TMEFF2: variants seen among roughly 807,000 people sequenced by gnomAD.
The protein encoded by TMEFF2 is tomoregulin-2.
A neutral mutation model predicts 53.8 loss-of-function variants in TMEFF2; 28 were observed. That is an observed-to-expected ratio of 0.52 (90% CI 0.39 to 0.71). The LOEUF is 0.71. Ranked by LOEUF, TMEFF2 falls within the 30% of genes least tolerant of loss-of-function variation. The pLI, the probability that TMEFF2 is intolerant of heterozygous loss-of-function variation, is 0.00. For synonymous variants in TMEFF2, 162 were observed against 166.3 expected, an observed-to-expected ratio of 0.97 and a Z score of 0.20; for missense variants, 353 against 455.2, an observed-to-expected ratio of 0.78 and a Z score of 2.04.
At chr2:192,128,210 C>T (rs749868742) in intron 4 of TMEFF2, among the ~76,000 whole-genome samples, 2 of 152,132 alleles carry the variant, frequency 1.3e-5, no homozygotes, top group Non-Finnish European at 2.9e-5. Context: ...GCTAAAAATG[C>T]TATTTTTGCT....
chr2:192,093,583 G>A (rs566949517), intron 4 of TMEFF2, among the ~76,000 whole-genome samples: 41 of 152,072 alleles, frequency 2.7e-4, no homozygotes, highest in South Asian at 1.5e-3. Flanking sequence ...CTTCAACAGC[G>A]TAAGATATTT....
rs572207611 is a variant in TMEFF2, at chr2:191,950,175, T to C, written c.*136A>G. The C allele has an allele frequency of 2.2e-4, 322 of 1,477,570 alleles. No individual in the cohort carries two copies. The highest frequency in any genetic ancestry group is 4.0e-4 in the South Asian group (27 of 68,008). 91.5% of individuals were successfully genotyped at this position (1,477,570 alleles called of 1,614,324 possible). A position where few individuals can be genotyped will look rare whatever the true frequency, so the allele number is the denominator to read the frequency against. On this transcript the variant is annotated 3_prime_UTR_variant, in exon 10 of 10. Coordinates refer to ENST00000272771, the MANE Select transcript of TMEFF2 (RefSeq NM_016192.4). Reference sequence around the variant, plus strand: ...CATACATAATCAAATATAGCTGTAGTACATGTTTTCATTGGTGTAGATTAC... The same window carrying C: ...CATACATAATCAAATATAGCTGTAGCACATGTTTTCATTGGTGTAGATTAC...
intron 9 of TMEFF2, among the ~76,000 whole-genome samples, chr2:191,951,497 C>G (rs1691881495): frequency 6.7e-6 from 1 of 148,850 alleles, no homozygotes; most frequent in East Asian, 1.9e-4. Flanking sequence ...CAGGAGAGAC[C>G]AGATGAGGAA....
chr2:192,103,886 C>T (rs1017287809), intron 4 of TMEFF2, among the ~76,000 whole-genome samples: 12 of 151,618 alleles, frequency 7.9e-5, no homozygotes, highest in African/African-American at 2.9e-4. Flanking sequence ...GAGATAAAAT[C>T]AGAGGAATAG....
chr2:192,113,726 G>A (rs1436422198), intron 4 of TMEFF2, among the ~76,000 whole-genome samples: 1 of 152,164 alleles, frequency 6.6e-6, no homozygotes, highest in Admixed American at 6.6e-5. Flanking sequence ...TTCTCAAACA[G>A]TGAGTTTAAT....
intron 5 of TMEFF2, among the ~76,000 whole-genome samples, chr2:192,000,085 A>G (rs1311737574): frequency 6.6e-6 from 1 of 152,112 alleles, no homozygotes; most frequent in Admixed American, 6.6e-5. Flanking sequence ...GATTGTTCCT[A>G]TATCTTTACA....
chr2:192,152,699 A>G (rs547961695), intron 4 of TMEFF2, among the ~76,000 whole-genome samples: 1 of 152,074 alleles, frequency 6.6e-6, no homozygotes, highest in South Asian at 2.1e-4. Context: ...TAATCAACCC[A>G]GAGTCATTTG....
At chr2:192,174,719 T>A (rs1257097652) in intron 4 of TMEFF2, among the ~76,000 whole-genome samples, 1 of 151,686 alleles carries the variant, frequency 6.6e-6, no homozygotes. Context: ...TTGGTAGAAT[T>A]TCTTTATTAA....
chr2:192,182,944 GT>G (rs1691221080), intron 3 of TMEFF2, among the ~76,000 whole-genome samples: 2 of 151,852 alleles, frequency 1.3e-5, no homozygotes, highest in Non-Finnish European at 2.9e-5. Flanking sequence ...CAGCATGCTG[GT>G]CCTCCTCCTT....
At chr2:192,118,426 T>A (rs1311674500) in intron 4 of TMEFF2, among the ~76,000 whole-genome samples, 1 of 152,122 alleles carries the variant, frequency 6.6e-6, no homozygotes, top group Non-Finnish European at 1.5e-5. Context: ...ACAGAGAAAA[T>A]TGCTTTGTCT....
At position 192,021,180 on chromosome 2, in the gene TMEFF2, CACTT is replaced by C. The variant is rs141303428; in HGVS notation, c.537-21976_537-21973del. 1.0e-2 allele frequency among the ~76,000 whole-genome samples: 1,515 copies of C among 152,240 alleles called. 24 individuals carry two copies. Among genetic ancestry groups the C allele is most frequent in the Middle Eastern group, 0.065 (19 of 294 alleles). On this transcript the variant is annotated intron_variant, in intron 5 of 9. Transcript: ENST00000272771. ...ACCAATACTACTCTGGGGTTGAGGA[CACTT>C]ACTTACTCAATTTTCTTTGATTTTA...
At chr2:192,020,528 G>A (rs1686836621) in intron 5 of TMEFF2, among the ~76,000 whole-genome samples, 1 of 151,966 alleles carries the variant, frequency 6.6e-6, no homozygotes, top group Admixed American at 6.6e-5. Flanking sequence ...AACTATATTT[G>A]AGAATCAGGA....
chr2:192,130,251 T>C (rs981658091), intron 4 of TMEFF2, among the ~76,000 whole-genome samples: 20 of 152,208 alleles, frequency 1.3e-4, no homozygotes, highest in Non-Finnish European at 2.6e-4. Context: ...CTAAATTTCA[T>C]GCTATGCTGT....
chr2:192,128,213 T>C (rs1255266573), intron 4 of TMEFF2, among the ~76,000 whole-genome samples: 2 of 152,198 alleles, frequency 1.3e-5, no homozygotes, highest in African/African-American at 2.4e-5. Flanking sequence ...AAAAATGCTA[T>C]TTTTGCTCAA....
At chr2:192,094,268 A>G (rs1322194193) in intron 4 of TMEFF2, among the ~76,000 whole-genome samples, 2 of 152,202 alleles carry the variant, frequency 1.3e-5, no homozygotes, top group Non-Finnish European at 2.9e-5. Context: ...TGAATGCTAT[A>G]CAACTTTTAT....
chr2:192,184,302 T>A, intron 3 of TMEFF2, 52 bp downstream of exon 3: 2 of 1,589,856 alleles, frequency 1.3e-6, no homozygotes, highest in Non-Finnish European at 1.7e-6. Context: ...AAAGACATGG[T>A]TTTTGGATTT....
chr2:192,063,193 C>T (rs900038010), intron 4 of TMEFF2, among the ~76,000 whole-genome samples: 1 of 151,828 alleles, frequency 6.6e-6, no homozygotes, highest in South Asian at 2.1e-4. Flanking sequence ...TATAAATTGC[C>T]TTCTAAAGAT....
intron 7 of TMEFF2, among the ~76,000 whole-genome samples, chr2:191,984,256 AAAATCTG>A (rs1468935538): frequency 3.9e-5 from 6 of 152,152 alleles, no homozygotes; most frequent in Non-Finnish European, 8.8e-5. Context: ...GAAAACTTAG[AAAATCTG>A]TTTTTCCAAA....
At chr2:192,126,217 C>T (rs1226147325) in intron 4 of TMEFF2, among the ~76,000 whole-genome samples, 2 of 152,140 alleles carry the variant, frequency 1.3e-5, no homozygotes, top group African/African-American at 4.8e-5. Flanking sequence ...AATCTTTGCT[C>T]ATTACATTTA....
Sources: allele counts gnomAD v4.1 joint callset (sites outside exome capture counted in the v4.1 genomes callset), GRCh38; gene constraint gnomAD v4.1.1; transcripts MANE v1.5; gene names NCBI Gene and HGNC (gene_info 2026-07-23, HGNC 2026-07-21).